The following USHBP1 variants were observed in gnomAD, a reference collection of about 807,000 sequenced individuals.
USHBP1 encodes the protein USH1 protein network component harmonin binding protein 1.
In USHBP1, 67 loss-of-function variants were observed where a neutral mutation model predicts 76.2. That is an observed-to-expected ratio of 0.88 (90% confidence interval 0.72 to 1.08). The LOEUF (loss-of-function observed/expected upper bound fraction) is 1.08, where lower values mean the gene tolerates loss of function less well. USHBP1 is among the 50% of genes least tolerant of loss of function. USHBP1 has a pLI of 0.00. For missense variants in USHBP1, 931 were observed against 915.0 expected (o/e 1.02, Z -0.23); for synonymous variants, 322 against 362.2 (o/e 0.89, Z 1.26).
chr19:17,250,865 G>A (rs900694799), intron 12 of USHBP1, among the ~76,000 whole-genome samples: 28 of 142,252 alleles, frequency 2.0e-4, no homozygotes, highest in African/African-American at 6.0e-4. Context: ...GTTTTTTCTT[G>A]TTGTTGTTTT....
In USHBP1 at chr19:17,259,966, G is replaced by C; in HGVS notation, c.699C>G (p.His233Gln). Residue 233 changes from histidine to glutamine, a missense_variant, in exon 5 of 13, where the codon CAC (histidine) becomes CAG (glutamine). Physicochemically the swap from His to Gln is conservative, Grantham distance 24 (BLOSUM62 0). Transcript: ENST00000252597. ...CACTGCCTGAGCCACCTGCTTGGTT[G>C]TGGGAAAGATGTGGGCAGGGCTCCA... The part of the protein sequence containing the change: ...LRLEPCPHLS[H>Q]NQAGGSGSGS... The C allele has an allele frequency of 6.2e-7, 1 of 1,614,090 alleles. No individual in the cohort carries two copies. The highest frequency in any genetic ancestry group is 8.5e-7 in the Non-Finnish European group (1 of 1,180,018).
chr19:17,255,554 C>G lies in USHBP1; in HGVS notation c.1523G>C (p.Arg508Pro). Residue 508 changes from arginine to proline, a missense_variant, in exon 10 of 13, where the codon CGG becomes CCG. Arg to Pro is a moderately radical substitution (Grantham distance 103, BLOSUM62 -2). Transcript: ENST00000252597. ...LRLQLVRREK[R>P]GLELREAALR... ...GGCAGCCTCCCGCAGCTCTAGGCCC[C>G]GCTTCTCACGCCGCACCAGCTGCAG... is the stretch of plus-strand genomic sequence containing the variant. 6.2e-7 allele frequency: 1 copy of G among 1,613,494 alleles called. No homozygotes were observed. Among genetic ancestry groups the G allele is most frequent in the African/African-American group, 1.3e-5 (1 of 75,056 alleles).
In USHBP1 at chr19:17,259,275, C is replaced by A. The variant is rs16981704; in HGVS notation, c.1046+14G>T. ...CCTCCCCAGCTGGTGACATCACTGGCAGGGTGCACTGACCTGTACTGCAAG... is the reference window on the plus strand; with the variant it reads ...CCTCCCCAGCTGGTGACATCACTGGAAGGGTGCACTGACCTGTACTGCAAG... On this transcript the variant is annotated intron_variant, in intron 7 of 12. Coordinates refer to ENST00000252597, the MANE Select transcript of USHBP1 (RefSeq NM_031941.4). 3.4e-3 allele frequency: 5,370 copies of A among 1,583,800 alleles called. 132 individuals are homozygous for A. In the African/African-American group the frequency reaches 0.058, roughly 17 times the overall value.
At chr19:17,250,984 C>T (rs973984413) in intron 12 of USHBP1, among the ~76,000 whole-genome samples, 18 of 152,162 alleles carry the variant, frequency 1.2e-4, no homozygotes, top group African/African-American at 4.3e-4. Flanking sequence ...CCTCAGCCTA[C>T]CGAGTAGCTG....
rs898295584 is a variant in USHBP1, at chr19:17,258,340, C to T, written c.1092G>A (p.Glu364=). The T allele has an allele frequency of 3.1e-6, 5 of 1,614,058 alleles. No homozygotes were observed. Among genetic ancestry groups the T allele is most frequent in the Non-Finnish European group, 4.2e-6 (5 of 1,180,026 alleles). The stretch of plus-strand genomic sequence containing the variant: ...CTTCGTCTCCTGCTCCTGAGTCGGC[C>T]TCCCGCAGAGCAAGCAGAACCCTGT... ...EAYRVLLALR[E]ADSGAGDEAP... The change falls in exon 8 of 13, where the codon GAG becomes GAA. Residue 364 remains glutamate, a synonymous_variant. Coordinates refer to ENST00000252597, the MANE Select transcript of USHBP1 (RefSeq NM_031941.4).
rs142447698 is a variant in USHBP1, at chr19:17,260,152, G to T, written c.643-130C>A. On this transcript the variant is annotated intron_variant, in intron 4 of 12. Transcript: ENST00000252597. The stretch of plus-strand genomic sequence containing the variant: ...GGCAAGAGGCTTGGATACTTAGCCT[G>T]CCAAAAATCTCACTATCTGACCTTG... The T allele has an allele frequency of 6.9e-3, 8,412 of 1,225,670 alleles. 34 individuals are homozygous for T. The highest frequency in any genetic ancestry group is 8.0e-3 in the Non-Finnish European group (7,427 of 930,624). The allele number at this position is 1,225,670 out of a possible 1,614,324, so 75.9% of individuals were successfully genotyped here. A position where few individuals can be genotyped will look rare whatever the true frequency, so the allele number is the denominator to read the frequency against.
chr19:17,263,003 A>G lies in USHBP1; in HGVS notation c.204-13T>C, dbSNP rs770840252. 8 of 1,506,000 alleles carry G rather than the reference A, an allele frequency of 5.3e-6. No individual in the cohort carries two copies. In the Admixed American group the frequency reaches 6.9e-5, roughly 13 times the overall value. 93.3% of individuals were successfully genotyped at this position (1,506,000 alleles called of 1,614,324 possible). ...CTTCTTGTCAGTCCTGTGGACACCAACTCAGGCACTTGAGTCACTCCATGC... is the reference window on the plus strand; with the variant it reads ...CTTCTTGTCAGTCCTGTGGACACCAGCTCAGGCACTTGAGTCACTCCATGC... On this transcript the variant is annotated splice_polypyrimidine_tract_variant and intron_variant, in intron 3 of 12. Transcript: ENST00000252597.
intron 8 of USHBP1, 47 bp downstream of exon 8, chr19:17,258,165 G>T: frequency 1.2e-6 from 2 of 1,609,252 alleles, no homozygotes; most frequent in South Asian, 1.1e-5. Context: ...CCCCAGTCAA[G>T]ACCCCACTCC....
Position 17,262,882 on chromosome 19 carries a change from C to T in USHBP1, c.312G>A (p.Gln104=). ...TCCCAGGGGGCACAGTCTCCTTGTA[C>T]TGTAGGGCTGCTTCTGGGGCTTGGT... ...EAHQAPEAAL[Q]YKETVPPGNG... The change falls in exon 4 of 13, where the codon CAG becomes CAA. Residue 104 remains glutamine (Q), a synonymous_variant. Transcript: ENST00000252597. 6.3e-7 allele frequency: 1 copy of T among 1,597,714 alleles called. No homozygotes were observed. Among genetic ancestry groups the T allele is most frequent in the South Asian group, 1.1e-5 (1 of 90,262 alleles).
At chr19:17,263,964 T>C in intron 3 of USHBP1, 38 bp downstream of exon 3, 1 of 1,498,874 alleles carries the variant, frequency 6.7e-7, no homozygotes. Context: ...AAGATGCGTC[T>C]GGACTGGAGT....
chr19:17,259,560 C>T lies in USHBP1; in HGVS notation c.905+36G>A, dbSNP rs751905226. On this transcript the variant is annotated intron_variant, in intron 6 of 12. Transcript: ENST00000252597. ...TTTATAACTCAGTTGGAGGAGGTGCCTGTGCCCTTATGAGCTCAGCATTTG... is the reference window on the plus strand; with the variant it reads ...TTTATAACTCAGTTGGAGGAGGTGCTTGTGCCCTTATGAGCTCAGCATTTG... 2.5e-6 allele frequency: 4 copies of T among 1,602,654 alleles called. No individual in the cohort carries two copies. The Admixed American group carries it at 7.0e-5, about 28-fold the overall frequency.
chr19:17,250,437 T>C (rs778024414), intron 12 of USHBP1, 23 bp from the exon 13 acceptor site: 1 of 1,604,074 alleles, frequency 6.2e-7, no homozygotes, highest in Admixed American at 1.7e-5. Flanking sequence ...GGTGGCTGGG[T>C]CAGGAAACAG....
intron 10 of USHBP1, among the ~76,000 whole-genome samples, chr19:17,252,349 C>T (rs1360204255): frequency 6.6e-6 from 1 of 151,988 alleles, no homozygotes; most frequent in Non-Finnish European, 1.5e-5. Context: ...ACACATGCCA[C>T]CAGACCCGGC....
intron 11 of USHBP1, 79 bp downstream of exon 11, chr19:17,251,832 T>C: frequency 6.5e-7 from 1 of 1,533,508 alleles, no homozygotes; most frequent in Non-Finnish European, 8.7e-7. Context: ...CCTTAGCTTC[T>C]ACTGCAGACG....
At position 17,262,885 on chromosome 19, in the gene USHBP1, T is replaced by C; in HGVS notation, c.309A>G (p.Leu103=). The C allele has an allele frequency of 6.3e-7, 1 of 1,596,306 alleles. No individual in the cohort carries two copies. The highest frequency in any genetic ancestry group is 8.6e-7 in the Non-Finnish European group (1 of 1,168,320). ...CAGGGGGCACAGTCTCCTTGTACTG[T>C]AGGGCTGCTTCTGGGGCTTGGTGGG... is the stretch of plus-strand genomic sequence containing the variant. ...VEAHQAPEAA[L]QYKETVPPGN... is the part of the protein sequence containing the mutation. Residue 103 remains leucine, a synonymous_variant, in exon 4 of 13, where the codon CTA becomes CTG. Transcript: ENST00000252597.
In USHBP1 at chr19:17,259,425, T is replaced by TA; in HGVS notation, c.909_910insT (p.Ile304TyrfsTer2). 6.2e-7 allele frequency: 1 copy of TA among 1,614,102 alleles called. No homozygotes were observed. Among genetic ancestry groups the TA allele is most frequent in the South Asian group, 1.1e-5 (1 of 91,078 alleles). ...CGATTAAAGCATTTGAGCTTCTCAA[T>TA]GCTCCTGTTCCCGAAGGTGGGGAAG... On this transcript the variant is annotated frameshift_variant, in exon 7 of 13. Coordinates refer to ENST00000252597, the MANE Select transcript of USHBP1 (RefSeq NM_031941.4). LOFTEE classifies it high-confidence loss of function.
chr19:17,257,399 T>C (rs2073633686), intron 8 of USHBP1, among the ~76,000 whole-genome samples: 1 of 147,902 alleles, frequency 6.8e-6, no homozygotes, highest in East Asian at 2.1e-4. Flanking sequence ...TCCCAGCACT[T>C]TGGGAGGCCG....
At chr19:17,251,842 G>A (rs767917862) in intron 11 of USHBP1, 69 bp downstream of exon 11, 46 of 1,518,648 alleles carry the variant, frequency 3.0e-5, no homozygotes, top group African/African-American at 2.1e-4. Context: ...TACTGCAGAC[G>A]ACACCCCCGG....
Position 17,256,486 on chromosome 19 carries a change from G to T in USHBP1, c.1455C>A (p.Asp485Glu). The T allele has an allele frequency of 6.2e-7, 1 of 1,613,636 alleles. No individual in the cohort carries two copies. Among genetic ancestry groups the T allele is most frequent in the Non-Finnish European group, 8.5e-7 (1 of 1,180,024 alleles). The change falls in exon 9 of 13, where the codon GAC becomes GAA. Residue 485 changes from aspartate to glutamate, a missense_variant. Transcript: ENST00000252597. Reference protein sequence around the residue: ...PRLEKTQIQQDLVAAREALAD... With the variant: ...PRLEKTQIQQELVAAREALAD... Reference sequence around the variant, plus strand: ...CCATTTGTACCCTTGCGGCCACCAGGTCCTGCTGAATTTGTGTCTTCTCCA... The same window carrying T: ...CCATTTGTACCCTTGCGGCCACCAGTTCCTGCTGAATTTGTGTCTTCTCCA...
Sources: gnomAD v4.1 joint callset for allele counts (sites outside exome capture counted in the v4.1 genomes callset) on GRCh38, gnomAD v4.1.1 for gene constraint, MANE v1.5 for transcripts, NCBI Gene and HGNC (gene_info 2026-07-23, HGNC 2026-07-21) for gene names.